The following VGLL4 variants were observed in gnomAD, a reference collection of about 807,000 sequenced individuals.
VGLL4 encodes vestigial like family member 4, also known as transcription cofactor vestigial-like protein 4.
VGLL4 carries 7 observed loss-of-function variants against 21.0 expected under a neutral mutation model. That is an observed-to-expected ratio of 0.33 (90% CI 0.19 to 0.63). The LOEUF is 0.63. Ranked by LOEUF, VGLL4 falls within the 20% of genes least tolerant of loss-of-function variation. The pLI, the probability that VGLL4 is intolerant of heterozygous loss-of-function variation, is 0.78. For missense variants in VGLL4, 394 were observed against 425.7 expected (o/e 0.93, Z 0.66); for synonymous variants, 222 against 173.2 (o/e 1.28, Z -2.21).
At chr3:11,707,651 A>C (rs73016903) in intron 1 of VGLL4, among the ~76,000 whole-genome samples, 11,764 of 152,150 alleles carry the variant, frequency 0.077, 607 homozygotes, top group Non-Finnish European at 0.12. Flanking sequence ...GGAGTTCCAG[A>C]CCAGCCTGAG....
At chr3:11,585,069 T>C (rs1008189038) in intron 2 of VGLL4, among the ~76,000 whole-genome samples, 3 of 152,190 alleles carry the variant, frequency 2.0e-5, no homozygotes, top group Non-Finnish European at 2.9e-5. Flanking sequence ...CTTTTTATTA[T>C]ACATCAAATA....
At chr3:11,611,134 GA>G (rs2075053150) in intron 1 of VGLL4, among the ~76,000 whole-genome samples, 1 of 150,552 alleles carries the variant, frequency 6.6e-6, no homozygotes, top group African/African-American at 2.5e-5. Context: ...GCGGAGAAGA[GA>G]GGGGGAGGGG....
At chr3:11,669,382 TA>T (rs2076172851) in intron 2 of VGLL4, among the ~76,000 whole-genome samples, 1 of 152,036 alleles carries the variant, frequency 6.6e-6, no homozygotes, top group South Asian at 2.1e-4. Flanking sequence ...ACCCCGCCTC[TA>T]AAAAAAGAAG....
chr3:11,590,453 A>T (rs1575423749), intron 2 of VGLL4, among the ~76,000 whole-genome samples: 2 of 152,280 alleles, frequency 1.3e-5, no homozygotes, highest in East Asian at 3.9e-4. Context: ...GAGGTAGTAT[A>T]AGAAGTTGGA....
intron 2 of VGLL4, among the ~76,000 whole-genome samples, chr3:11,575,832 C>G (rs1250158983): frequency 6.6e-6 from 1 of 152,172 alleles, no homozygotes; most frequent in African/African-American, 2.4e-5. Flanking sequence ...TTCCCATATC[C>G]AATTCCAGCA....
chr3:11,621,228 G>C (rs1344175214), intron 1 of VGLL4, among the ~76,000 whole-genome samples: 3 of 152,158 alleles, frequency 2.0e-5, no homozygotes, highest in Non-Finnish European at 4.4e-5. Context: ...CTGACTCAAT[G>C]TGTTTATAAT....
intron 1 of VGLL4, among the ~76,000 whole-genome samples, chr3:11,624,403 G>A (rs1199627184): frequency 6.6e-6 from 1 of 152,150 alleles, no homozygotes; most frequent in Non-Finnish European, 1.5e-5. Context: ...CCTGATGAAC[G>A]AGTTTCAGAA....
At chr3:11,708,642 G>A (rs1189370953) in intron 1 of VGLL4, among the ~76,000 whole-genome samples, 3 of 152,190 alleles carry the variant, frequency 2.0e-5, no homozygotes, top group Non-Finnish European at 4.4e-5. Flanking sequence ...TTTCCTTTAT[G>A]AGCCACAAAT....
In VGLL4 at chr3:11,556,607, A is replaced by C. The variant is rs2072437328; in HGVS notation, c.*1949T>G. On this transcript the variant is annotated 3_prime_UTR_variant, in exon 5 of 5. Transcript: ENST00000430365. The stretch of plus-strand genomic sequence containing the variant: ...ACAGACAAATCTACGACAAAAAAAA[A>C]GATCAACTTTTTTTTTCCGAACAAC... 1 of 152,506 alleles carries C rather than the reference A, an allele frequency of 6.6e-6. No homozygotes were observed. Among genetic ancestry groups the C allele is most frequent in the South Asian group, 2.1e-4 (1 of 4,820 alleles). The allele number at this position is 152,506 out of a possible 1,614,324, so 9.4% of individuals were successfully genotyped here. A position where few individuals can be genotyped will look rare whatever the true frequency, so the allele number is the denominator to read the frequency against.
Position 11,568,537 on chromosome 3 carries a change from A to T in VGLL4, c.273-3518T>A. The T allele has an allele frequency of 6.5e-7, 1 of 1,546,904 alleles. No individual in the cohort carries two copies. Among genetic ancestry groups the T allele is most frequent in the Non-Finnish European group, 8.8e-7 (1 of 1,142,590 alleles). On this transcript the variant is annotated intron_variant, in intron 2 of 4. Transcript: ENST00000430365. The surrounding 1 kb of genome is among the most constrained non-coding windows in gnomAD (Gnocchi z 5.9). ...TGGGCACTATGGGTCAGACAAAGAC[A>T]CTGAAAACAGCGAGAAAAGGCCTGG... is the stretch of plus-strand genomic sequence containing the variant.
intron 1 of VGLL4, among the ~76,000 whole-genome samples, chr3:11,622,435 A>G (rs2075280913): frequency 6.6e-6 from 1 of 151,972 alleles, no homozygotes; most frequent in Non-Finnish European, 1.5e-5. Flanking sequence ...AAAAAATCAT[A>G]CTATTACTAG....
chr3:11,652,778 A>C (rs983517368), intron 2 of VGLL4, among the ~76,000 whole-genome samples: 1 of 152,216 alleles, frequency 6.6e-6, no homozygotes, highest in Non-Finnish European at 1.5e-5. Context: ...ATCCCCAAGA[A>C]AAGAGAAATC....
chr3:11,717,577 G>A (rs1186548113), intron 1 of VGLL4, among the ~76,000 whole-genome samples: 1 of 141,164 alleles, frequency 7.1e-6, no homozygotes, highest in Non-Finnish European at 1.5e-5. Context: ...CTGGCCTCAA[G>A]CGATCCTCTT....
intron 1 of VGLL4, among the ~76,000 whole-genome samples, chr3:11,605,892 A>G (rs9867971): frequency 0.3 from 45,915 of 152,156 alleles, 7,981 homozygotes; most frequent in African/African-American, 0.47. Context: ...AATTAAAAAG[A>G]TAACAAAAAA....
At chr3:11,590,379 G>C (rs1267880686) in intron 2 of VGLL4, among the ~76,000 whole-genome samples, 1 of 152,152 alleles carries the variant, frequency 6.6e-6, no homozygotes, top group Non-Finnish European at 1.5e-5. Context: ...CCAGTTTCTG[G>C]AGCTTGTTTC....
chr3:11,668,044 C>T (rs529391162), intron 2 of VGLL4, among the ~76,000 whole-genome samples: 28 of 151,136 alleles, frequency 1.9e-4, no homozygotes, highest in African/African-American at 6.3e-4. Context: ...TTGTAGAGAC[C>T]GGGTTTCACC....
chr3:11,575,065 C>A (rs1294983665), intron 2 of VGLL4, among the ~76,000 whole-genome samples: 2 of 152,112 alleles, frequency 1.3e-5, no homozygotes, highest in Admixed American at 1.3e-4. Flanking sequence ...TCGTGCCAAC[C>A]CCCCATTCCC....
At position 11,557,243 on chromosome 3, in the gene VGLL4, A is replaced by T. The variant is rs1428362199; in HGVS notation, c.*1313T>A. The T allele has an allele frequency of 6.5e-6, 1 of 152,824 alleles. No individual in the cohort carries two copies. The highest frequency in any genetic ancestry group is 1.5e-5 in the Non-Finnish European group (1 of 68,048). The allele number at this position is 152,824 out of a possible 1,614,324, so 9.5% of individuals were successfully genotyped here. On this transcript the variant is annotated 3_prime_UTR_variant, in exon 5 of 5. Coordinates refer to ENST00000430365, the MANE Select transcript of VGLL4 (RefSeq NM_001128219.3). ...TTAGTAGCTATTAATATAGCAAATA[A>T]TAAATGCAGTAATAACAGTATAAAG...
chr3:11,568,852 GC>G lies in VGLL4; in HGVS notation c.273-3834del. 1.4e-6 allele frequency: 2 copies of G among 1,381,748 alleles called. No homozygotes were observed. Among genetic ancestry groups the G allele is most frequent in the Non-Finnish European group, 1.9e-6 (2 of 1,068,150 alleles). The allele number at this position is 1,381,748 out of a possible 1,614,324, so 85.6% of individuals were successfully genotyped here. ...AGGACTCTGAGTGGCTCCGTGCCAG[GC>G]CTATCAGAGCCGCTGAGGCTGCACG... is the stretch of plus-strand genomic sequence containing the variant. On this transcript the variant is annotated intron_variant, in intron 2 of 4. Transcript: ENST00000430365. The surrounding 1 kb of genome is among the most constrained non-coding windows in gnomAD (Gnocchi z 5.9).
Sources: allele counts gnomAD v4.1 joint callset (sites outside exome capture counted in the v4.1 genomes callset), GRCh38; gene constraint gnomAD v4.1.1; non-coding constraint Gnocchi (gnomAD v3.1); transcripts MANE v1.5; gene names NCBI Gene and HGNC (gene_info 2026-07-23, HGNC 2026-07-21).